The following COL19A1 variants were observed in gnomAD, a reference collection of about 807,000 sequenced individuals.
COL19A1 encodes the protein collagen type XIX alpha 1 chain, also known as collagen alpha-1(XIX) chain.
Under a neutral mutation model 190.2 loss-of-function variants are expected in COL19A1, and 159 were observed. The ratio of observed to expected loss-of-function variants is 0.84; its 90% CI spans 0.73 to 0.95. COL19A1 has a LOEUF of 0.95. COL19A1 is among the 40% of genes least tolerant of loss of function. COL19A1 has a pLI of 0.00. For synonymous variants in COL19A1, 509 were observed against 458.9 expected, an observed-to-expected ratio of 1.11 and a Z score of -1.39; for missense variants, 1,418 against 1,431.9, an observed-to-expected ratio of 0.99 and a Z score of 0.16.
intron 34 of COL19A1, 129 bp downstream of exon 34, chr6:70,156,852 G>C: frequency 1.8e-6 from 1 of 566,706 alleles, no homozygotes; most frequent in Non-Finnish European, 2.9e-6. Context: ...AGACCACTTA[G>C]AGCTTTTAAA....
intron 16 of COL19A1, among the ~76,000 whole-genome samples, chr6:70,115,177 T>A (rs953928007): frequency 6.6e-6 from 1 of 152,180 alleles, no homozygotes; most frequent in African/African-American, 2.4e-5. Context: ...CCAAGGGCCA[T>A]CCCTTTATTC....
intron 34 of COL19A1, among the ~76,000 whole-genome samples, chr6:70,160,063 T>C (rs537749115): frequency 6.6e-6 from 1 of 152,272 alleles, no homozygotes; most frequent in African/African-American, 2.4e-5. Flanking sequence ...AGGAGGGACT[T>C]CTGGCAATAG....
intron 9 of COL19A1, among the ~76,000 whole-genome samples, chr6:69,939,362 G>A (rs1241647763): frequency 6.6e-6 from 1 of 152,068 alleles, no homozygotes. Flanking sequence ...GAATGTTTTA[G>A]ATATGTTATC....
intron 44 of COL19A1, among the ~76,000 whole-genome samples, chr6:70,180,886 A>C (rs914824170): frequency 6.6e-6 from 1 of 152,234 alleles, no homozygotes; most frequent in Non-Finnish European, 1.5e-5. Flanking sequence ...TGTTAAACCA[A>C]ATCCTAAAGT....
intron 1 of COL19A1, among the ~76,000 whole-genome samples, chr6:69,871,809 ATTTTTTTTTTTT>A (rs556851857): frequency 6.3e-5 from 7 of 110,360 alleles, no homozygotes; most frequent in Non-Finnish European, 1.3e-4. Context: ...CAAGTCCACC[ATTTTTTTTTTTT>A]TTTTTTTTTT....
intron 4 of COL19A1, among the ~76,000 whole-genome samples, chr6:69,911,401 T>C (rs1265854134): frequency 6.6e-6 from 1 of 152,158 alleles, no homozygotes; most frequent in Non-Finnish European, 1.5e-5. Flanking sequence ...TTCCCCCAAA[T>C]TAGGTGACAT....
Position 70,045,960 on chromosome 6 carries a change from G to A in COL19A1, c.1170+10021G>A, listed in dbSNP as rs144824746. ...TGCCTGCTTTTGATGAGTTTCCAGT[G>A]TCTTCAGGTAGTTGTTCTACATGTT... On this transcript the variant is annotated intron_variant, in intron 14 of 50. Coordinates refer to ENST00000620364, the MANE Select transcript of COL19A1 (RefSeq NM_001858.6). Among the ~76,000 whole-genome samples the A allele has an allele frequency of 2.6e-4, 39 of 152,210 alleles. No individual in the cohort carries two copies. The East Asian group carries it at 6.8e-3, about 26-fold the overall frequency.
intron 15 of COL19A1, among the ~76,000 whole-genome samples, chr6:70,087,769 A>G (rs1562159755): frequency 6.6e-6 from 1 of 152,216 alleles, no homozygotes; most frequent in Non-Finnish European, 1.5e-5. Context: ...TACCAGGGGA[A>G]GAAAGCAAGA....
At chr6:70,183,510 C>G (rs3806053) in intron 44 of COL19A1, among the ~76,000 whole-genome samples, 97,900 of 152,008 alleles carry the variant, frequency 0.64, 32,069 homozygotes, top group South Asian at 0.75. Flanking sequence ...TACACTTTTA[C>G]TCTAGATTTA....
chr6:69,935,717 A>G (rs1371002757), intron 7 of COL19A1, among the ~76,000 whole-genome samples: 1 of 147,588 alleles, frequency 6.8e-6, no homozygotes, highest in Non-Finnish European at 1.5e-5. Flanking sequence ...TTTTTTTTTT[A>G]TTTCTTATTT....
At chr6:69,894,405 A>C (rs957453255) in intron 2 of COL19A1, among the ~76,000 whole-genome samples, 1 of 152,176 alleles carries the variant, frequency 6.6e-6, no homozygotes, top group African/African-American at 2.4e-5. Flanking sequence ...GTAACCTTAA[A>C]ACACTTAGCA....
Position 69,987,348 on chromosome 6 carries a change from C to T in COL19A1, c.1026+24478C>T, listed in dbSNP as rs911016768. On this transcript the variant is annotated intron_variant, in intron 11 of 50. Transcript: ENST00000620364. ...TCTAAATTTGTTTTTCCTGTTTTCT[C>T]ATTTTACAAGTGCAAACATTATCCT... 4.6e-5 allele frequency among the ~76,000 whole-genome samples: 7 copies of T among 152,268 alleles called. No homozygotes were observed. The South Asian group carries it at 8.3e-4, about 18-fold the overall frequency.
chr6:69,879,439 T>A (rs1027513422), intron 1 of COL19A1, 97 bp from the exon 2 acceptor site: 18 of 662,680 alleles, frequency 2.7e-5, no homozygotes, highest in South Asian at 2.0e-4. Flanking sequence ...ATATATGATG[T>A]AACGTTGATT....
At chr6:70,142,129 A>G in intron 22 of COL19A1, 53 bp downstream of exon 22, 1 of 1,523,026 alleles carries the variant, frequency 6.6e-7, no homozygotes, top group Non-Finnish European at 9.0e-7. Flanking sequence ...AATTGTAGCC[A>G]TTCTGTGTAA....
At chr6:69,909,504 T>A (rs1770766847) in intron 4 of COL19A1, among the ~76,000 whole-genome samples, 1 of 152,074 alleles carries the variant, frequency 6.6e-6, no homozygotes, top group Non-Finnish European at 1.5e-5. Flanking sequence ...TAAACTAGGC[T>A]TTGAAAACTG....
chr6:69,933,903 G>T (rs1195114540), intron 7 of COL19A1, among the ~76,000 whole-genome samples: 1 of 151,654 alleles, frequency 6.6e-6, no homozygotes, highest in Non-Finnish European at 1.5e-5. Context: ...AAAGGGGACT[G>T]GTTCTAAAAA....
intron 1 of COL19A1, chr6:69,867,591 C>G (rs1767550594): frequency 6.6e-6 from 1 of 152,356 alleles, no homozygotes; most frequent in African/African-American, 2.4e-5. Context: ...TGGCCCGGAA[C>G]CAAGCACGCC....
At chr6:69,930,415 ATAG>A (rs1772682704) in intron 6 of COL19A1, among the ~76,000 whole-genome samples, 1 of 152,130 alleles carries the variant, frequency 6.6e-6, no homozygotes, top group South Asian at 2.1e-4. Flanking sequence ...TAAACAGTTT[ATAG>A]TTTATTTCTT....
At chr6:70,140,211 T>C (rs544078297) in intron 19 of COL19A1, among the ~76,000 whole-genome samples, 59 of 152,144 alleles carry the variant, frequency 3.9e-4, no homozygotes, top group African/African-American at 1.2e-3. Flanking sequence ...GTCCCTAATA[T>C]AAAATGGCCT....
Sources: gnomAD v4.1 joint callset for allele counts (sites outside exome capture counted in the v4.1 genomes callset) on GRCh38, gnomAD v4.1.1 for gene constraint, MANE v1.5 for transcripts, NCBI Gene and HGNC (gene_info 2026-07-23, HGNC 2026-07-21) for gene names.